The following CACUL1 variants were observed in gnomAD, a reference collection of about 807,000 sequenced individuals.
CACUL1 encodes CDK2 associated cullin domain 1, also known as CDK2-associated and cullin domain-containing protein 1.
A neutral mutation model predicts 45.2 loss-of-function variants in CACUL1; 13 were observed. That is an observed-to-expected ratio of 0.29 (90% CI 0.19 to 0.46). The LOEUF is 0.46. CACUL1 is among the 20% of genes least tolerant of loss of function. CACUL1 has a pLI of 1.00. For synonymous variants in CACUL1, 197 were observed against 174.2 expected, an observed-to-expected ratio of 1.13 and a Z score of -1.03; for missense variants, 421 against 471.4, an observed-to-expected ratio of 0.89 and a Z score of 0.99.
At chr10:118,733,523 A>G (rs2119648881) in intron 1 of CACUL1, among the ~76,000 whole-genome samples, 1 of 152,320 alleles carries the variant, frequency 6.6e-6, no homozygotes. Flanking sequence ...ACTTCAAGAT[A>G]TTTGTTATTT....
At chr10:118,693,864 T>A in intron 6 of CACUL1, 1 of 401,694 alleles carries the variant, frequency 2.5e-6, no homozygotes, top group South Asian at 1.8e-5. Context: ...TAGATCCAAA[T>A]TTAACAATAA....
rs149291499 is a variant in CACUL1 at position 118,703,668 on chromosome 10, T to C, written c.694-2260A>G. 3.9e-5 allele frequency among the ~76,000 whole-genome samples: 6 copies of C among 152,286 alleles called. No homozygotes were observed. In the East Asian group the frequency reaches 9.6e-4, roughly 24 times the overall value. ...TAGTCTTCCAAAGAGGCTTTACCAATTTACATTTCCACCAAAAGTGTGAGA... is the reference window on the plus strand; with the variant it reads ...TAGTCTTCCAAAGAGGCTTTACCAACTTACATTTCCACCAAAAGTGTGAGA... On this transcript the variant is annotated intron_variant, in intron 4 of 8. Coordinates refer to ENST00000369151, the MANE Select transcript of CACUL1 (RefSeq NM_153810.5).
chr10:118,716,042 C>G (rs1335578946), intron 3 of CACUL1, among the ~76,000 whole-genome samples: 1 of 152,100 alleles, frequency 6.6e-6, no homozygotes, highest in Non-Finnish European at 1.5e-5. Flanking sequence ...CGAGACCATC[C>G]TAACACGGTG....
At chr10:118,690,794 C>T (rs908529451) in intron 7 of CACUL1, among the ~76,000 whole-genome samples, 2 of 152,200 alleles carry the variant, frequency 1.3e-5, no homozygotes, top group African/African-American at 4.8e-5. Context: ...GCCTATGATC[C>T]CAGCACTTTG....
intron 4 of CACUL1, among the ~76,000 whole-genome samples, chr10:118,702,342 G>A (rs990441415): frequency 2.6e-5 from 4 of 152,134 alleles, no homozygotes; most frequent in South Asian, 2.1e-4. Context: ...TCACAAAGAC[G>A]CCCGTGACAG....
At chr10:118,724,496 G>A (rs1410498151) in intron 3 of CACUL1, among the ~76,000 whole-genome samples, 7 of 152,112 alleles carry the variant, frequency 4.6e-5, no homozygotes, top group Non-Finnish European at 7.4e-5. Context: ...TTCCCACTAG[G>A]AACCCCTGCA....
chr10:118,707,591 T>C lies in CACUL1; in HGVS notation c.598-4A>G, dbSNP rs748292338. ...TATAGAGATCTGGAGGGCTGGCCTG[T>C]GAGAAAGAACAGAAGTGTGATCAAT... On this transcript the variant is annotated splice_region_variant and splice_polypyrimidine_tract_variant and intron_variant, in intron 3 of 8. Coordinates refer to ENST00000369151, the MANE Select transcript of CACUL1 (RefSeq NM_153810.5). 1.4e-6 allele frequency: 2 copies of C among 1,439,454 alleles called. No homozygotes were observed. The highest frequency in any genetic ancestry group is 1.9e-6 in the Non-Finnish European group (2 of 1,026,752). 89.2% of individuals were successfully genotyped at this position (1,439,454 alleles called of 1,614,324 possible).
chr10:118,750,251 G>A (rs146611533), intron 1 of CACUL1, among the ~76,000 whole-genome samples: 29 of 152,194 alleles, frequency 1.9e-4, no homozygotes, highest in East Asian at 3.9e-4. Flanking sequence ...GCTTGAATCC[G>A]GGAGGCGGAG....
intron 1 of CACUL1, among the ~76,000 whole-genome samples, chr10:118,748,756 A>T (rs1317947322): frequency 1.3e-5 from 2 of 152,210 alleles, no homozygotes; most frequent in Non-Finnish European, 2.9e-5. Context: ...ATTTTGGATG[A>T]GGGATAGTCA....
rs1006304710 is a variant in CACUL1 at position 118,678,750 on chromosome 10, C to G, written c.*7378G>C. ...CCTGAGACCAATCCATTTTGGTCAT[C>G]ATTTGTTACATTTTGAATACACTGT... is the stretch of plus-strand genomic sequence containing the variant. On this transcript the variant is annotated 3_prime_UTR_variant, in exon 9 of 9. Transcript: ENST00000369151. The G allele has an allele frequency of 6.6e-6, 1 of 152,090 alleles. No individual in the cohort carries two copies. The allele number at this position is 152,090 out of a possible 1,614,324, so 9.4% of individuals were successfully genotyped here.
chr10:118,744,340 C>T (rs1457584582), intron 1 of CACUL1, among the ~76,000 whole-genome samples: 1 of 151,934 alleles, frequency 6.6e-6, no homozygotes, highest in Non-Finnish European at 1.5e-5. Context: ...GAGCTGAGAT[C>T]GCGCCATTGC....
chr10:118,684,803 A>C lies in CACUL1; in HGVS notation c.*1325T>G, dbSNP rs1440141946. The C allele has an allele frequency of 6.6e-6, 1 of 152,226 alleles. No homozygotes were observed. Among genetic ancestry groups the C allele is most frequent in the Non-Finnish European group, 1.5e-5 (1 of 68,048 alleles). 9.4% of individuals were successfully genotyped at this position (152,226 alleles called of 1,614,324 possible). ...TCCCCTCAAGTTCTCTGAAGAGGTA[A>C]ATACTATTAGTCTGATGTTGCCTAG... On this transcript the variant is annotated 3_prime_UTR_variant, in exon 9 of 9. Coordinates refer to ENST00000369151, the MANE Select transcript of CACUL1 (RefSeq NM_153810.5).
intron 4 of CACUL1, among the ~76,000 whole-genome samples, chr10:118,704,102 T>A (rs1845410724): frequency 6.6e-6 from 1 of 151,998 alleles, no homozygotes; most frequent in Admixed American, 6.6e-5. Context: ...AATAAGGTAG[T>A]GGCTAGGTGG....
chr10:118,703,561 AGTTT>A (rs1229169697), intron 4 of CACUL1, among the ~76,000 whole-genome samples: 2 of 152,190 alleles, frequency 1.3e-5, no homozygotes, highest in African/African-American at 4.8e-5. Flanking sequence ...TGTATTTATG[AGTTT>A]ATTTGTATAA....
intron 1 of CACUL1, among the ~76,000 whole-genome samples, chr10:118,748,864 C>T (rs1589621530): frequency 1.3e-5 from 2 of 151,866 alleles, no homozygotes; most frequent in South Asian, 2.1e-4. Flanking sequence ...AAACTGCACA[C>T]CTAAAATGGG....
At chr10:118,744,432 G>T (rs529329964) in intron 1 of CACUL1, among the ~76,000 whole-genome samples, 116 of 152,226 alleles carry the variant, frequency 7.6e-4, no homozygotes, top group African/African-American at 2.4e-3. Context: ...TCTGGAATAG[G>T]TAAACCCAGA....
chr10:118,726,336 T>G (rs986387017), intron 3 of CACUL1: 43 of 1,287,878 alleles, frequency 3.3e-5, no homozygotes, highest in Non-Finnish European at 4.3e-5. Flanking sequence ...CTCTTTCCAT[T>G]AGTACAGGTC....
At chr10:118,728,455 AG>A (rs1389698941) in intron 3 of CACUL1, among the ~76,000 whole-genome samples, 1 of 151,918 alleles carries the variant, frequency 6.6e-6, no homozygotes, top group Non-Finnish European at 1.5e-5. Context: ...CTGGGACTAC[AG>A]GAGTGTGCAA....
Position 118,754,574 on chromosome 10 carries a change from G to A in CACUL1, c.189C>T (p.Val63=). 6.2e-7 allele frequency: 1 copy of A among 1,610,332 alleles called. No homozygotes were observed. ...PGGQLLAVPA[V]SVDRKGPKEG... ...CCTTGGGGCCTTTCCTGTCCACGGA[G>A]ACCGCGGGCACCGCCAGCAGCTGCC... The change falls in exon 1 of 9, where the codon GTC becomes GTT. Residue 63 remains valine, a synonymous_variant. Transcript: ENST00000369151.
Sources: allele counts gnomAD v4.1 joint callset (sites outside exome capture counted in the v4.1 genomes callset), GRCh38; gene constraint gnomAD v4.1.1; transcripts MANE v1.5; gene names NCBI Gene and HGNC (gene_info 2026-07-23, HGNC 2026-07-21).